PNPLA6: variants seen among roughly 807,000 people sequenced by gnomAD.
PNPLA6 encodes the protein patatin-like phospholipase domain-containing protein 6.
PNPLA6 carries 105 observed loss-of-function variants against 153.7 expected under a neutral mutation model. The observed-to-expected ratio is 0.68, with a 90% CI of 0.58 to 0.80. The LOEUF is 0.80. Among genes scored for constraint, PNPLA6 ranks in the 30% least tolerant of loss-of-function variants. The probability of loss-of-function intolerance (pLI) is 0.00; values close to 1 mark genes in which losing one functional copy is unlikely to be tolerated. For missense variants in PNPLA6, 1,423 were observed against 1,919.3 expected (o/e 0.74, Z 4.83); for synonymous variants, 825 against 822.2 (o/e 1.00, Z -0.06).
chr19:7,560,588 C>A, intron 28 of PNPLA6, 60 bp from the exon 29 acceptor site: 1 of 1,149,192 alleles, frequency 8.7e-7, no homozygotes, highest in Non-Finnish European at 1.3e-6. Flanking sequence ...AATGGGCAGA[C>A]AGAGTGGGGA....
In PNPLA6 at chr19:7,541,962, C is replaced by A. The variant is rs143924707; in HGVS notation, c.1169-22C>A. ...TCCTAGTGGCTCTGAGGGGCAGGAGCCTGAACATGTGTCTCCCCCAGGGGA... is the reference window on the plus strand; with the variant it reads ...TCCTAGTGGCTCTGAGGGGCAGGAGACTGAACATGTGTCTCCCCCAGGGGA... On this transcript the variant is annotated intron_variant, in intron 9 of 31. Transcript: ENST00000600737. This position sits in a 1 kb window ranked among gnomAD's most constrained non-coding sequence, Gnocchi z 5.2. 5.1e-4 allele frequency: 813 copies of A among 1,594,508 alleles called. 7 individuals are homozygous for A. The African/African-American group carries it at 9.3e-3, about 18-fold the overall frequency.
At chr19:7,556,919 C>G in intron 26 of PNPLA6, 195 bp downstream of exon 26, 2 of 687,898 alleles carry the variant, frequency 2.9e-6, no homozygotes, top group South Asian at 1.6e-5. Context: ...GGGAGGGGAG[C>G]AGGGAGACTC....
In PNPLA6 at chr19:7,557,285, G is replaced by A. The variant is rs1470625783; in HGVS notation, c.3397+1G>A. ...GGCGGCTACATCAACAATCTGCCAG[G>A]CAAGTGGCCGCCCGCACCACCCGCA... On this transcript the variant is annotated splice_donor_variant, in intron 27 of 31. Coordinates refer to ENST00000600737, the MANE Select transcript of PNPLA6 (RefSeq NM_001166114.2). LOFTEE classifies it high-confidence loss of function. 1.3e-6 allele frequency: 2 copies of A among 1,583,654 alleles called. No homozygotes were observed. The highest frequency in any genetic ancestry group is 1.7e-6 in the Non-Finnish European group (2 of 1,154,306).
chr19:7,554,085 G>A lies in PNPLA6; in HGVS notation c.2401+70G>A, dbSNP rs1213169577. 4 of 1,597,200 alleles carry A rather than the reference G, an allele frequency of 2.5e-6. No individual in the cohort carries two copies. In the East Asian group the frequency reaches 8.9e-5, roughly 36 times the overall value. On this transcript the variant is annotated intron_variant, in intron 19 of 31. Coordinates refer to ENST00000600737, the MANE Select transcript of PNPLA6 (RefSeq NM_001166114.2). ...ACATTAGTGAGTGAGAGATGTTAGGGTAGGTCATTTGGGGGGTGGAGGGGA... is the reference window on the plus strand; with the variant it reads ...ACATTAGTGAGTGAGAGATGTTAGGATAGGTCATTTGGGGGGTGGAGGGGA...
At chr19:7,535,189 G>T, upstream of PNPLA6, 1 of 495,602 alleles carries the variant, frequency 2.0e-6, no homozygotes, top group Admixed American at 3.3e-5. The surrounding 1 kb of genome is among the most constrained non-coding windows in gnomAD (Gnocchi z 5.0). Context: ...GGACCTGCCT[G>T]CAGGCTGCTG....
intron 13 of PNPLA6, among the ~76,000 whole-genome samples, chr19:7,546,502 C>T (rs1004331367): frequency 2.6e-5 from 4 of 152,134 alleles, no homozygotes; most frequent in Admixed American, 6.6e-5. Context: ...GGCATGGTGG[C>T]GCATGCCTGT....
At position 7,551,436 on chromosome 19, in the gene PNPLA6, A is replaced by T; in HGVS notation, c.2259A>T (p.Pro753=). The change falls in exon 18 of 32, where the codon CCA becomes CCT. Residue 753 remains proline (P), a splice_region_variant and synonymous_variant. Coordinates refer to ENST00000600737, the MANE Select transcript of PNPLA6 (RefSeq NM_001166114.2). ...TGCAGCAGCTGCAAGGACCCTTCCC[A>T]GGTGAGAGCCGGCCGGCCCAGAGCG... The part of the protein sequence containing the change: ...GNLQQLQGPF[P]GSGLGVPPHS... The T allele has an allele frequency of 6.2e-7, 1 of 1,613,498 alleles. No individual in the cohort carries two copies. Among genetic ancestry groups the T allele is most frequent in the South Asian group, 1.1e-5 (1 of 91,066 alleles).
intron 1 of PNPLA6, 56 bp downstream of exon 1, chr19:7,536,076 C>T (rs1159901372): frequency 8.9e-6 from 14 of 1,576,862 alleles, no homozygotes; most frequent in Admixed American, 1.8e-5. Flanking sequence ...CCCAAATGCC[C>T]GGGTCCCGAG....
chr19:7,552,371 CT>C (rs2023688109), intron 18 of PNPLA6, among the ~76,000 whole-genome samples: 1 of 152,178 alleles, frequency 6.6e-6, no homozygotes, highest in Admixed American at 6.5e-5. Context: ...CTAGATACCC[CT>C]TTTCCCTCCA....
At chr19:7,556,887 C>T in intron 26 of PNPLA6, 163 bp downstream of exon 26, 2 of 708,084 alleles carry the variant, frequency 2.8e-6, no homozygotes, top group Non-Finnish European at 5.1e-6. Context: ...GCCCCGGAGA[C>T]CCCAGGTACG....
At chr19:7,551,490 G>A in intron 18 of PNPLA6, 53 bp downstream of exon 18, 1 of 1,452,636 alleles carries the variant, frequency 6.9e-7, no homozygotes, top group Non-Finnish European at 9.7e-7. Flanking sequence ...GGCGTCCAGA[G>A]CATGCTGGGA....
chr19:7,542,476 A>T, intron 10 of PNPLA6, 85 bp from the exon 11 acceptor site: 1 of 1,001,048 alleles, frequency 1.0e-6, no homozygotes, highest in Non-Finnish European at 1.6e-6. Context: ...CTGGAACTAC[A>T]GGCCTGCACC....
intron 26 of PNPLA6, 146 bp from the exon 27 acceptor site, chr19:7,557,022 C>T (rs2023909785): frequency 2.5e-6 from 2 of 796,642 alleles, no homozygotes; most frequent in African/African-American, 1.7e-5. Flanking sequence ...CCTGCCCCCA[C>T]TGTGCGACCC....
In PNPLA6 at chr19:7,555,358, G is replaced by GCGGGGC; in HGVS notation, c.2929_2934dup (p.Gly977_Ala978dup). The GCGGGGC allele has an allele frequency of 6.4e-7, 1 of 1,550,746 alleles. No homozygotes were observed. Among genetic ancestry groups the GCGGGGC allele is most frequent in the Non-Finnish European group, 8.7e-7 (1 of 1,145,894 alleles). ...ACCATTGCCCTTGTGCTAGGCGGGG[G>GCGGGGC]CGGGGCCAGGTGAGGGCGGGGCTTG... On this transcript the variant is annotated inframe_insertion, in exon 23 of 32. Coordinates refer to ENST00000600737, the MANE Select transcript of PNPLA6 (RefSeq NM_001166114.2). This position sits in a 1 kb window ranked among gnomAD's most constrained non-coding sequence, Gnocchi z 6.3.
intron 18 of PNPLA6, among the ~76,000 whole-genome samples, chr19:7,552,755 CA>C (rs561292553): frequency 0.17 from 7,543 of 43,790 alleles, 691 homozygotes; most frequent in African/African-American, 0.39. Flanking sequence ...AACTCCATCT[CA>C]AAAAAAAAAA....
At position 7,542,038 on chromosome 19, in the gene PNPLA6, G is replaced by C; in HGVS notation, c.1223G>C (p.Arg408Pro). The C allele has an allele frequency of 6.2e-7, 1 of 1,607,194 alleles. No individual in the cohort carries two copies. The highest frequency in any genetic ancestry group is 1.1e-5 in the South Asian group (1 of 91,058). The change falls in exon 10 of 32, where the codon CGC becomes CCC. Residue 408 changes from arginine (R) to proline (P), a missense_variant. By Grantham distance (103) the Arg-to-Pro change is moderately radical. Transcript: ENST00000600737. Reference sequence around the variant, plus strand: ...ACCCCCTCGGCCCCTCTGCTGAGCCGCTGCGTCTCCATGCCAGGGGACATC... The same window carrying C: ...ACCCCCTCGGCCCCTCTGCTGAGCCCCTGCGTCTCCATGCCAGGGGACATC... ...LETPSAPLLS[R>P]CVSMPGDISG...
chr19:7,542,454 C>A, intron 10 of PNPLA6, 107 bp from the exon 11 acceptor site: 1 of 848,242 alleles, frequency 1.2e-6, no homozygotes, highest in Non-Finnish European at 2.0e-6. Flanking sequence ...CCAGCCCCAG[C>A]CTCCCAAATA....
At chr19:7,537,343 T>C (rs936006321) in intron 3 of PNPLA6, among the ~76,000 whole-genome samples, 10 of 152,176 alleles carry the variant, frequency 6.6e-5, no homozygotes, top group Admixed American at 6.6e-4. Flanking sequence ...ATCTTTCCTA[T>C]GTTATGGACC....
chr19:7,547,039 G>A (rs2023413531), intron 13 of PNPLA6, among the ~76,000 whole-genome samples: 1 of 151,910 alleles, frequency 6.6e-6, no homozygotes, highest in Admixed American at 6.6e-5. Context: ...TGAGTAGCTG[G>A]GATTACAGGC....
Sources: gnomAD v4.1 joint callset for allele counts (sites outside exome capture counted in the v4.1 genomes callset) on GRCh38, gnomAD v4.1.1 for gene constraint, Gnocchi (gnomAD v3.1) non-coding constraint, MANE v1.5 for transcripts, NCBI Gene and HGNC (gene_info 2026-07-23, HGNC 2026-07-21) for gene names.